NSMCE2: variants seen among roughly 807,000 people sequenced by gnomAD.
NSMCE2 encodes the protein NSE2 SUMO ligase component of SMC5/6 complex, also known as E3 SUMO-protein ligase NSE2.
NSMCE2 carries 24 observed loss-of-function variants against 23.8 expected under a neutral mutation model. That is an observed-to-expected ratio of 1.01 (90% CI 0.73 to 1.42). The LOEUF is 1.42. NSMCE2 is among the 40% of genes most tolerant of loss of function. NSMCE2 has a pLI of 0.00. For synonymous variants in NSMCE2, 92 were observed against 94.1 expected (o/e 0.98, Z 0.13); for missense variants, 284 against 296.5 (o/e 0.96, Z 0.31).
chr8:125,214,458 C>T (rs1824488222), intron 5 of NSMCE2, among the ~76,000 whole-genome samples: 1 of 152,170 alleles, frequency 6.6e-6, no homozygotes, highest in South Asian at 2.1e-4. Flanking sequence ...GGCTCACGGT[C>T]TCAACAAGGA....
At chr8:125,223,078 A>G (rs1431676913) in intron 5 of NSMCE2, among the ~76,000 whole-genome samples, 1 of 151,676 alleles carries the variant, frequency 6.6e-6, no homozygotes, top group Non-Finnish European at 1.5e-5. Flanking sequence ...AAAATAAAAT[A>G]AAATAAAATA....
intron 5 of NSMCE2, among the ~76,000 whole-genome samples, chr8:125,343,752 T>C (rs1322788946): frequency 6.6e-6 from 1 of 152,154 alleles, no homozygotes; most frequent in Admixed American, 6.5e-5. Context: ...TCCCAGCACT[T>C]TGGGAGGCCA....
intron 5 of NSMCE2, among the ~76,000 whole-genome samples, chr8:125,336,736 G>A (rs950788731): frequency 1.3e-5 from 2 of 152,334 alleles, no homozygotes; most frequent in African/African-American, 2.4e-5. Context: ...GGAGAACTGC[G>A]AGTTCCTTTT....
At chr8:125,360,121 G>C (rs1338922183) in intron 7 of NSMCE2, among the ~76,000 whole-genome samples, 1 of 152,180 alleles carries the variant, frequency 6.6e-6, no homozygotes, top group Non-Finnish European at 1.5e-5. Context: ...GTCTAATACT[G>C]TCATTTGCTC....
At chr8:125,322,015 A>G (rs926023939) in intron 5 of NSMCE2, among the ~76,000 whole-genome samples, 50 of 151,990 alleles carry the variant, frequency 3.3e-4, no homozygotes, top group African/African-American at 1.2e-3. Context: ...GTTCACATCA[A>G]TATTTTTTTG....
intron 3 of NSMCE2, among the ~76,000 whole-genome samples, chr8:125,104,364 C>A (rs1455650101): frequency 6.6e-6 from 1 of 152,150 alleles, no homozygotes; most frequent in East Asian, 1.9e-4. Context: ...CTGATCCTTT[C>A]TAGGCTTATC....
chr8:125,294,881 G>T (rs1282383521), intron 5 of NSMCE2, among the ~76,000 whole-genome samples: 1 of 152,204 alleles, frequency 6.6e-6, no homozygotes, highest in African/African-American at 2.4e-5. Flanking sequence ...AATCCACAGT[G>T]TGATGTCACC....
intron 5 of NSMCE2, among the ~76,000 whole-genome samples, chr8:125,330,445 C>T (rs757104122): frequency 1.3e-5 from 2 of 151,950 alleles, no homozygotes; most frequent in South Asian, 4.2e-4. Flanking sequence ...CAAAGTGCTG[C>T]GATTACAGGT....
chr8:125,106,780 G>A (rs1818480118), intron 3 of NSMCE2, among the ~76,000 whole-genome samples: 2 of 151,888 alleles, frequency 1.3e-5, no homozygotes, highest in Admixed American at 6.6e-5. Context: ...AGGATCACCT[G>A]AGTTCAGGAG....
chr8:125,305,771 G>A lies in NSMCE2; in HGVS notation c.419-51448G>A, dbSNP rs76047556. On this transcript the variant is annotated intron_variant, in intron 5 of 7. Coordinates refer to ENST00000287437, the MANE Select transcript of NSMCE2 (RefSeq NM_173685.4). ...TGCAGTGTAATTTTTTCTGACCAAA[G>A]TATAGCCTTGTGCTTTGGTGTATAA... 9.3e-3 allele frequency among the ~76,000 whole-genome samples: 1,415 copies of A among 152,302 alleles called. 27 individuals are homozygous for A. The highest frequency in any genetic ancestry group is 0.031 in the African/African-American group (1,284 of 41,566).
chr8:125,282,839 A>G (rs192175721), intron 5 of NSMCE2, among the ~76,000 whole-genome samples: 2 of 152,386 alleles, frequency 1.3e-5, no homozygotes, highest in East Asian at 3.9e-4. Flanking sequence ...AACACAGTGT[A>G]CAGCCCTACT....
At position 125,274,999 on chromosome 8, in the gene NSMCE2, G is replaced by GATAATAATAATA. The variant is rs72261443; in HGVS notation, c.419-82194_419-82183dup. ...CAATTTTTCAGGACAATCTGAAGAT[G>GATAATAATAATA]ATAATAATAATAATAATAATAATAA... On this transcript the variant is annotated intron_variant, in intron 5 of 7. Transcript: ENST00000287437. Among the ~76,000 whole-genome samples, 380 of 142,412 alleles carry GATAATAATAATA rather than the reference G, an allele frequency of 2.7e-3. 2 individuals are homozygous for GATAATAATAATA. Among genetic ancestry groups the GATAATAATAATA allele is most frequent in the African/African-American group, 9.2e-3 (353 of 38,420 alleles). The allele number at this position is 142,412 out of a possible 152,430, so 93.4% of individuals were successfully genotyped here.
At chr8:125,356,837 CT>C (rs1228957841) in intron 5 of NSMCE2, among the ~76,000 whole-genome samples, 3 of 152,142 alleles carry the variant, frequency 2.0e-5, no homozygotes, top group Non-Finnish European at 4.4e-5. Context: ...CATTCTTCAT[CT>C]CTTTTAATCT....
intron 7 of NSMCE2, among the ~76,000 whole-genome samples, chr8:125,359,394 C>T (rs1042024726): frequency 8.8e-4 from 115 of 130,652 alleles, no homozygotes; most frequent in African/African-American, 3.1e-3. Flanking sequence ...AGTGCAATGG[C>T]GTGATCTCAG....
intron 3 of NSMCE2, among the ~76,000 whole-genome samples, chr8:125,137,775 A>G (rs1323724876): frequency 6.6e-6 from 1 of 152,176 alleles, no homozygotes; most frequent in African/African-American, 2.4e-5. Flanking sequence ...GCAGCTTATT[A>G]CTATATGACT....
chr8:125,288,571 C>T (rs910411104), intron 5 of NSMCE2, among the ~76,000 whole-genome samples: 1 of 152,194 alleles, frequency 6.6e-6, no homozygotes, highest in Non-Finnish European at 1.5e-5. Flanking sequence ...CCTGGCAAAT[C>T]TCTGTACTTA....
At chr8:125,154,854 T>C (rs1821228860) in intron 4 of NSMCE2, among the ~76,000 whole-genome samples, 1 of 152,222 alleles carries the variant, frequency 6.6e-6, no homozygotes, top group Admixed American at 6.5e-5. Context: ...TTCTGAACAC[T>C]AGACTTCTGA....
At chr8:125,157,953 C>T (rs535328448) in intron 4 of NSMCE2, among the ~76,000 whole-genome samples, 1 of 152,284 alleles carries the variant, frequency 6.6e-6, no homozygotes, top group Non-Finnish European at 1.5e-5. Context: ...AAAGAATTTC[C>T]TTAAAGACTC....
chr8:125,134,703 CT>C, intron 3 of NSMCE2, among the ~76,000 whole-genome samples: 1 of 133,204 alleles, frequency 7.5e-6, no homozygotes, highest in African/African-American at 2.8e-5. Flanking sequence ...CTTCCAGCCT[CT>C]TTGTTTTTAA....
Sources: gnomAD v4.1 joint callset for allele counts (sites outside exome capture counted in the v4.1 genomes callset) on GRCh38, gnomAD v4.1.1 for gene constraint, MANE v1.5 for transcripts, NCBI Gene and HGNC (gene_info 2026-07-23, HGNC 2026-07-21) for gene names.